The following FTO variants were observed in gnomAD, a reference collection of about 807,000 sequenced individuals.
The protein encoded by FTO is alpha-ketoglutarate-dependent dioxygenase FTO.
A neutral mutation model predicts 63.9 loss-of-function variants in FTO; 47 were observed. The ratio of observed to expected loss-of-function variants is 0.74; its 90% CI spans 0.58 to 0.94. The LOEUF (loss-of-function observed/expected upper bound fraction) is 0.94. Among genes scored for constraint, FTO ranks in the 40% least tolerant of loss-of-function variants. The pLI, the probability that FTO is intolerant of heterozygous loss-of-function variation, is 0.00. For synonymous variants in FTO, 207 were observed against 224.4 expected (o/e 0.92, Z 0.69); for missense variants, 562 against 618.1 (o/e 0.91, Z 0.96).
intron 5 of FTO, among the ~76,000 whole-genome samples, chr16:53,878,752 A>T (rs76725567): frequency 0.013 from 2,008 of 152,290 alleles, 41 homozygotes; most frequent in African/African-American, 0.045. Flanking sequence ...TTTCCAACAT[A>T]TGATCATTTA....
Position 54,117,703 on chromosome 16 carries a change from A to C in FTO, c.*5788A>C, listed in dbSNP as rs1185187675. ...TATAAATGAGATATTATGAAAAATGATGTTTTAGGACTCTCATTTCTACAG... is the reference window on the plus strand; with the variant it reads ...TATAAATGAGATATTATGAAAAATGCTGTTTTAGGACTCTCATTTCTACAG... On this transcript the variant is annotated 3_prime_UTR_variant, in exon 9 of 9. Coordinates refer to ENST00000471389, the MANE Select transcript of FTO (RefSeq NM_001080432.3). 1 of 152,162 alleles carries C rather than the reference A, an allele frequency of 6.6e-6. No homozygotes were observed. Among genetic ancestry groups the C allele is most frequent in the African/African-American group, 2.4e-5 (1 of 41,440 alleles). The allele number at this position is 152,162 out of a possible 1,614,324, so 9.4% of individuals were successfully genotyped here.
intron 8 of FTO, among the ~76,000 whole-genome samples, chr16:53,955,323 G>A (rs2143571637): frequency 6.6e-6 from 1 of 152,276 alleles, no homozygotes; most frequent in African/African-American, 2.4e-5. Context: ...ACAGTCTAGT[G>A]GCAGGAGGCT....
At chr16:53,787,530 A>C (rs2077782163) in intron 1 of FTO, among the ~76,000 whole-genome samples, 1 of 152,128 alleles carries the variant, frequency 6.6e-6, no homozygotes, top group African/African-American at 2.4e-5. Flanking sequence ...TAGAATTTAA[A>C]AGCAAAAATT....
At chr16:53,704,957 T>G (rs1282897804) in intron 1 of FTO, among the ~76,000 whole-genome samples, 1 of 152,136 alleles carries the variant, frequency 6.6e-6, no homozygotes, top group Non-Finnish European at 1.5e-5. Context: ...GTGTTTTCCT[T>G]TCTCTCATTC....
At chr16:53,738,025 C>CT (rs35487919) in intron 1 of FTO, among the ~76,000 whole-genome samples, 48,165 of 125,414 alleles carry the variant, frequency 0.38, 10,790 homozygotes, top group Non-Finnish European at 0.5. Flanking sequence ...ACAATCGTAG[C>CT]TTTTTTTTTT....
At chr16:53,916,602 G>A (rs2081873052) in intron 7 of FTO, among the ~76,000 whole-genome samples, 2 of 152,116 alleles carry the variant, frequency 1.3e-5, no homozygotes, top group Non-Finnish European at 2.9e-5. Context: ...TGCTGCCTAT[G>A]CCACACTTTA....
chr16:53,996,793 G>C (rs1398452208), intron 8 of FTO, among the ~76,000 whole-genome samples: 3 of 152,020 alleles, frequency 2.0e-5, no homozygotes, highest in Non-Finnish European at 4.4e-5. Flanking sequence ...CGAGCAAAAG[G>C]GGGAAAAGCC....
chr16:54,053,293 T>TATCCTG (rs2085353287), intron 8 of FTO, among the ~76,000 whole-genome samples: 1 of 152,180 alleles, frequency 6.6e-6, no homozygotes. Context: ...TTTCAGCCTT[T>TATCCTG]ATCCTGATCC....
intron 8 of FTO, among the ~76,000 whole-genome samples, chr16:54,016,031 A>G (rs755926896): frequency 6.6e-6 from 1 of 152,178 alleles, no homozygotes; most frequent in Non-Finnish European, 1.5e-5. Context: ...GGATTATTTT[A>G]CACACATTCA....
chr16:53,813,114 A>G (rs1461313389), intron 2 of FTO, among the ~76,000 whole-genome samples: 1 of 152,166 alleles, frequency 6.6e-6, no homozygotes, highest in Non-Finnish European at 1.5e-5. Flanking sequence ...CCAAATGCAA[A>G]CAGAACAACT....
Position 53,962,514 on chromosome 16 carries a change from G to A in FTO, c.1364+28405G>A, listed in dbSNP as rs766721686. ...GGCAAATGTGAGAGGCCTGAACGTC[G>A]AAGTACTAGAAGAGAGACATGGGGT... On this transcript the variant is annotated intron_variant, in intron 8 of 8. Transcript: ENST00000471389. Among the ~76,000 whole-genome samples, 10 of 152,250 alleles carry A rather than the reference G, an allele frequency of 6.6e-5. 1 individual carries two copies. The highest frequency in any genetic ancestry group is 4.1e-4 in the South Asian group (2 of 4,824).
chr16:53,750,194 C>T (rs1424708509), intron 1 of FTO, among the ~76,000 whole-genome samples: 1 of 152,072 alleles, frequency 6.6e-6, no homozygotes, highest in Non-Finnish European at 1.5e-5. Context: ...ATATCAAAGT[C>T]TGGCCCTTGA....
Position 54,119,411 on chromosome 16 carries a change from A to T in FTO, c.*7496A>T, listed in dbSNP as rs1407092841. 6.6e-6 allele frequency: 1 copy of T among 152,106 alleles called. No individual in the cohort carries two copies. The highest frequency in any genetic ancestry group is 1.5e-5 in the Non-Finnish European group (1 of 68,048). 9.4% of individuals were successfully genotyped at this position (152,106 alleles called of 1,614,324 possible). A position where few individuals can be genotyped will look rare whatever the true frequency, so the allele number is the denominator to read the frequency against. ...GCTTATAACTCATCCAACCCAGAAAACTGGACCGCTGGTCACCTTCCTTCC... is the reference window on the plus strand; with the variant it reads ...GCTTATAACTCATCCAACCCAGAAATCTGGACCGCTGGTCACCTTCCTTCC... On this transcript the variant is annotated 3_prime_UTR_variant, in exon 9 of 9. Transcript: ENST00000471389.
chr16:53,788,807 A>G (rs372240606), intron 1 of FTO, among the ~76,000 whole-genome samples: 4 of 152,172 alleles, frequency 2.6e-5, no homozygotes, highest in South Asian at 2.1e-4. Flanking sequence ...TCTGTCCTCT[A>G]TAAGTAAGTG....
chr16:53,787,110 CAAAAAAAAAAAAAA>C (rs35391915), intron 1 of FTO, among the ~76,000 whole-genome samples: 7 of 56,162 alleles, frequency 1.2e-4, no homozygotes, highest in South Asian at 1.9e-3. Flanking sequence ...GACTCCTTCT[CAAAAAAAAAAAAAA>C]AAAAAAAAAA....
intron 8 of FTO, among the ~76,000 whole-genome samples, chr16:54,028,348 C>G (rs1026307261): frequency 1.2e-4 from 19 of 152,274 alleles, no homozygotes; most frequent in Middle Eastern, 3.4e-3. Flanking sequence ...CCTCCCTCCT[C>G]CTCTCACCGT....
chr16:53,893,839 G>A (rs888954308), intron 7 of FTO, among the ~76,000 whole-genome samples: 55 of 152,222 alleles, frequency 3.6e-4, no homozygotes, highest in African/African-American at 1.3e-3. Context: ...TGAATGTTTT[G>A]AATTGCGTTT....
At chr16:53,968,520 G>A (rs1256463361) in intron 8 of FTO, among the ~76,000 whole-genome samples, 1 of 152,256 alleles carries the variant, frequency 6.6e-6, no homozygotes, top group Non-Finnish European at 1.5e-5. Context: ...ACTCGTGGCA[G>A]GCAGTCTTGA....
At chr16:54,087,335 A>G (rs1368717398) in intron 8 of FTO, among the ~76,000 whole-genome samples, 3 of 152,254 alleles carry the variant, frequency 2.0e-5, no homozygotes, top group Non-Finnish European at 4.4e-5. Context: ...GATGTTTAAA[A>G]TAAGTATAGT....
Sources: allele counts gnomAD v4.1 joint callset (sites outside exome capture counted in the v4.1 genomes callset), GRCh38; gene constraint gnomAD v4.1.1; transcripts MANE v1.5; gene names NCBI Gene and HGNC (gene_info 2026-07-23, HGNC 2026-07-21).